The following ANKRD44 variants were observed in gnomAD, a reference collection of about 807,000 sequenced individuals.
ANKRD44 encodes the protein serine/threonine-protein phosphatase 6 regulatory ankyrin repeat subunit B.
Under a neutral mutation model 116.0 loss-of-function variants are expected in ANKRD44, and 35 were observed. The observed-to-expected ratio is 0.30, with a 90% CI of 0.23 to 0.40. ANKRD44 has a LOEUF of 0.40. ANKRD44 is among the 10% of genes least tolerant of loss of function. The probability of loss-of-function intolerance (pLI) is 1.00; values close to 1 mark genes in which losing one functional copy is unlikely to be tolerated. For synonymous variants in ANKRD44, 435 were observed against 461.8 expected (o/e 0.94, Z 0.74); for missense variants, 1,014 against 1,242.6 (o/e 0.82, Z 2.77).
At chr2:197,083,329 A>G (rs746543431) in intron 14 of ANKRD44, 40 bp downstream of exon 14, 20 of 1,594,598 alleles carry the variant, frequency 1.3e-5, no homozygotes, top group Admixed American at 1.7e-5. Context: ...CCACTCCCCA[A>G]CCCTGTTCCC....
At chr2:197,230,745 G>A (rs538433544) in intron 1 of ANKRD44, among the ~76,000 whole-genome samples, 8 of 152,254 alleles carry the variant, frequency 5.3e-5, no homozygotes, top group African/African-American at 1.9e-4. Context: ...TGGCACTGGT[G>A]GAGGGCTGTG....
At chr2:196,986,363 C>T (rs1038464146), downstream of ANKRD44, among the ~76,000 whole-genome samples, 3 of 150,532 alleles carry the variant, frequency 2.0e-5, no homozygotes, top group Non-Finnish European at 3.0e-5. Flanking sequence ...TGCAGTGAGC[C>T]GAGATCTCAC....
intron 1 of ANKRD44, among the ~76,000 whole-genome samples, chr2:197,266,486 A>C (rs1559200936): frequency 6.6e-6 from 1 of 152,106 alleles, no homozygotes; most frequent in African/African-American, 2.4e-5. Context: ...CTAATTACAC[A>C]AACATTAAAT....
chr2:197,147,628 T>C (rs2079538492), intron 2 of ANKRD44, among the ~76,000 whole-genome samples: 1 of 152,056 alleles, frequency 6.6e-6, no homozygotes, highest in South Asian at 2.1e-4. Flanking sequence ...TACTGAATGC[T>C]TACTCTATGC....
At chr2:197,177,791 A>T (rs1490577630) in intron 2 of ANKRD44, among the ~76,000 whole-genome samples, 2 of 152,200 alleles carry the variant, frequency 1.3e-5, no homozygotes, top group East Asian at 1.9e-4. Flanking sequence ...AATACACATG[A>T]TATCTGCTGT....
intron 9 of ANKRD44, among the ~76,000 whole-genome samples, chr2:197,100,533 C>A (rs143156705): frequency 1.1e-3 from 165 of 152,338 alleles, no homozygotes; most frequent in Middle Eastern, 0.01. Flanking sequence ...TAAATGCCTG[C>A]TCTGAATGAA....
chr2:196,969,281 C>T (rs879306386), intron 21 of ANKRD44, among the ~76,000 whole-genome samples: 8 of 152,108 alleles, frequency 5.3e-5, no homozygotes, highest in Middle Eastern at 3.4e-3. Context: ...CTTTGATTAC[C>T]GAGAGGTTCT....
At chr2:197,124,910 T>C (rs2078940225) in intron 6 of ANKRD44, among the ~76,000 whole-genome samples, 1 of 152,234 alleles carries the variant, frequency 6.6e-6, no homozygotes, top group Non-Finnish European at 1.5e-5. Context: ...ATCAGGATAA[T>C]CACCAGCGCC....
At chr2:197,188,577 G>A (rs892518281) in intron 1 of ANKRD44, among the ~76,000 whole-genome samples, 10 of 152,158 alleles carry the variant, frequency 6.6e-5, no homozygotes, top group Admixed American at 2.0e-4. Context: ...CATGATCATC[G>A]CTGCCTAACC....
chr2:197,188,350 A>T (rs1160738627), intron 1 of ANKRD44, among the ~76,000 whole-genome samples: 4 of 152,228 alleles, frequency 2.6e-5, no homozygotes, highest in East Asian at 1.9e-4. Flanking sequence ...TGATTTGCTG[A>T]CAGGGAAGGA....
chr2:197,260,878 C>CTCCTGT (rs201888476), intron 1 of ANKRD44, among the ~76,000 whole-genome samples: 1 of 18,016 alleles, frequency 5.6e-5, no homozygotes, highest in Non-Finnish European at 1.1e-4. Context: ...GCATAAATGT[C>CTCCTGT]TGAGAAGTGT....
chr2:197,114,972 C>T (rs770938172), intron 8 of ANKRD44, among the ~76,000 whole-genome samples: 5 of 152,172 alleles, frequency 3.3e-5, no homozygotes, highest in Non-Finnish European at 7.3e-5. Flanking sequence ...TTCTAAGTAC[C>T]GTCCCTATCA....
intron 21 of ANKRD44, among the ~76,000 whole-genome samples, chr2:196,972,668 A>G (rs890482004): frequency 2.6e-5 from 4 of 152,226 alleles, no homozygotes; most frequent in African/African-American, 4.8e-5. Flanking sequence ...TAGCCTGCCC[A>G]GGACTTGAGA....
chr2:197,169,210 T>C (rs1434315338), intron 2 of ANKRD44, among the ~76,000 whole-genome samples: 2 of 152,082 alleles, frequency 1.3e-5, no homozygotes, highest in Non-Finnish European at 2.9e-5. Flanking sequence ...GCCTGAAACA[T>C]TCCCCCCAAT....
intron 2 of ANKRD44, among the ~76,000 whole-genome samples, chr2:197,156,136 G>A (rs960012360): frequency 6.6e-6 from 1 of 152,212 alleles, no homozygotes; most frequent in Non-Finnish European, 1.5e-5. Context: ...CACGAGGTCA[G>A]GAGATCAAGA....
intron 13 of ANKRD44, among the ~76,000 whole-genome samples, chr2:197,083,934 T>A (rs1379007663): frequency 3.3e-5 from 5 of 152,210 alleles, no homozygotes; most frequent in Non-Finnish European, 1.5e-5. Flanking sequence ...TTTTCCTTCC[T>A]AGAGCCTACC....
chr2:196,995,443 A>T lies in ANKRD44; in HGVS notation c.2767T>A (p.Leu923Met), dbSNP rs1300237395. The T allele has an allele frequency of 1.2e-6, 2 of 1,611,798 alleles. No homozygotes were observed. The highest frequency in any genetic ancestry group is 1.7e-5 in the Admixed American group (1 of 59,830). Residue 923 changes from leucine (L) to methionine (M), a missense_variant, in exon 26 of 28, where the codon TTG becomes ATG. By Grantham distance (15) the Leu-to-Met change is conservative. Transcript: ENST00000282272. Reference protein sequence around the residue: ...ACSKGHEKCALLILDKIQDES... With the variant: ...ACSKGHEKCAMLILDKIQDES... ...TCTTGTATCTTGTCAAGTATTAACA[A>T]GGCACATTTTTCATGACCCTAATAA...
intron 1 of ANKRD44, among the ~76,000 whole-genome samples, chr2:197,221,115 G>A (rs1226161406): frequency 1.3e-5 from 2 of 152,048 alleles, no homozygotes; most frequent in Non-Finnish European, 2.9e-5. Flanking sequence ...GCCAAGTGTG[G>A]TGGTGCACAC....
rs749297169 is a variant in ANKRD44, at chr2:196,998,896, C to T, written c.2665+11G>A. The T allele has an allele frequency of 3.7e-6, 6 of 1,612,966 alleles. No homozygotes were observed. The Admixed American group carries it at 1.0e-4, about 27-fold the overall frequency. On this transcript the variant is annotated intron_variant, in intron 24 of 27. Coordinates refer to ENST00000282272, the MANE Select transcript of ANKRD44 (RefSeq NM_001195144.2). ...GGGCATAAGGGCAAAGTCCATACAA[C>T]AAGCACATACCCACAGCGCCTGCCT...
Sources: gnomAD v4.1 joint callset for allele counts (sites outside exome capture counted in the v4.1 genomes callset) on GRCh38, gnomAD v4.1.1 for gene constraint, MANE v1.5 for transcripts, NCBI Gene and HGNC (gene_info 2026-07-23, HGNC 2026-07-21) for gene names.